Variants in CXCL12 observed in about 807,000 individuals in gnomAD.
CXCL12 encodes C-X-C motif chemokine ligand 12.
In CXCL12, 4 loss-of-function variants were observed where a neutral mutation model predicts 10.7. The observed-to-expected ratio is 0.37, with a 90% CI of 0.18 to 0.86. The LOEUF is 0.86. Ranked by LOEUF, CXCL12 falls within the 40% of genes least tolerant of loss-of-function variation. The pLI, the probability that CXCL12 is intolerant of heterozygous loss-of-function variation, is 0.43. For missense variants in CXCL12, 122 were observed against 110.4 expected, an observed-to-expected ratio of 1.10 and a Z score of -0.47; for synonymous variants, 54 against 45.4, an observed-to-expected ratio of 1.19 and a Z score of -0.77.
rs563573534 is a variant in CXCL12 at position 44,378,841 on chromosome 10, T to A, written c.180-118A>T. On this transcript the variant is annotated intron_variant, in intron 2 of 2. Coordinates refer to ENST00000343575, the MANE Select transcript of CXCL12 (RefSeq NM_199168.4). Reference sequence around the variant, plus strand: ...CCTCGCTGGCACCCCGTGCTCCACTTGGTACGCTCAGGCTCCAGAGGTGCT... The same window carrying A: ...CCTCGCTGGCACCCCGTGCTCCACTAGGTACGCTCAGGCTCCAGAGGTGCT... 2.0e-3 allele frequency: 2,070 copies of A among 1,019,802 alleles called. 2 individuals are homozygous for A. Among genetic ancestry groups the A allele is most frequent in the Non-Finnish European group, 2.9e-3 (1,901 of 657,974 alleles). 63.2% of individuals were successfully genotyped at this position (1,019,802 alleles called of 1,614,324 possible). A position where few individuals can be genotyped will look rare whatever the true frequency, so the allele number is the denominator to read the frequency against.
At chr10:44,378,891 C>T (rs772119294) in intron 2 of CXCL12, among the ~76,000 whole-genome samples, 168 bp from the exon 3 acceptor site, 2 of 152,172 alleles carry the variant, frequency 1.3e-5, no homozygotes, top group Admixed American at 6.5e-5. Context: ...GAAAGCTCAG[C>T]GCTGGCAGTG....
At position 44,377,830 on chromosome 10, in the gene CXCL12, G is replaced by A; in HGVS notation, c.*803C>T. On this transcript the variant is annotated 3_prime_UTR_variant, in exon 3 of 3. Transcript: ENST00000343575. ...CACAGAGGGCCCGAGCTGTGGGGCA[G>A]GCCCTGGGAGGAGAGGGATGCAGGG... The A allele has an allele frequency of 6.3e-7, 1 of 1,595,700 alleles. No homozygotes were observed. Among genetic ancestry groups the A allele is most frequent in the South Asian group, 1.1e-5 (1 of 90,372 alleles).
chr10:44,373,024 C>T, downstream of CXCL12: 1 of 1,536,058 alleles, frequency 6.5e-7, no homozygotes, highest in East Asian at 2.4e-5. Flanking sequence ...ATACAAAACC[C>T]AGGAGCCCTG....
chr10:44,376,478 G>A (rs1442843428), downstream of CXCL12, among the ~76,000 whole-genome samples: 1 of 152,182 alleles, frequency 6.6e-6, no homozygotes, highest in African/African-American at 2.4e-5. Flanking sequence ...ACGTTTTGGA[G>A]GCTGCAGGCC....
downstream of CXCL12, chr10:44,373,118 G>A (rs1390384185): frequency 2.0e-6 from 3 of 1,535,846 alleles, no homozygotes; most frequent in Non-Finnish European, 2.6e-6. Flanking sequence ...CGTGTCGCCA[G>A]TGACACTGAA....
At chr10:44,371,702 C>G (rs1402740836), downstream of CXCL12, 1 of 152,970 alleles carries the variant, frequency 6.5e-6, no homozygotes, top group African/African-American at 2.4e-5. Flanking sequence ...GATTACATCA[C>G]TATAATTTAC....
Position 44,378,324 on chromosome 10 carries a change from C to A in CXCL12, c.*309G>T, listed in dbSNP as rs77900300. 7.7e-4 allele frequency: 1,138 copies of A among 1,484,246 alleles called. 16 individuals carry two copies. In the East Asian group the frequency reaches 0.025, roughly 32 times the overall value. The allele number at this position is 1,484,246 out of a possible 1,614,324, so 91.9% of individuals were successfully genotyped here. A position where few individuals can be genotyped will look rare whatever the true frequency, so the allele number is the denominator to read the frequency against. ...GATGATTGTGATGATCATGAAGGAA[C>A]TAACTGCTTGAAAATGCTGTTGATA... On this transcript the variant is annotated 3_prime_UTR_variant, in exon 3 of 3. Coordinates refer to ENST00000343575, the MANE Select transcript of CXCL12 (RefSeq NM_199168.4).
chr10:44,379,083 A>T (rs1839550912), intron 2 of CXCL12, among the ~76,000 whole-genome samples: 1 of 152,150 alleles, frequency 6.6e-6, no homozygotes, highest in African/African-American at 2.4e-5. Flanking sequence ...AAGCATACAG[A>T]GGAAACTGAG....
downstream of CXCL12, chr10:44,372,736 C>G (rs531994954): frequency 1.4e-6 from 2 of 1,433,422 alleles, no homozygotes; most frequent in East Asian, 2.5e-5. Flanking sequence ...AGGGCTGGGT[C>G]TCACTCTGCC....
At chr10:44,370,210 A>C (rs1241065279) in exon 4 of CXCL12, 1 of 152,304 alleles carries the variant, frequency 6.6e-6, no homozygotes, top group Non-Finnish European at 1.5e-5. Flanking sequence ...AAGTGCATAT[A>C]CATTTTTTCA....
intron 2 of CXCL12, 75 bp from the exon 3 acceptor site, chr10:44,378,798 C>T: frequency 6.8e-7 from 1 of 1,471,094 alleles, no homozygotes. Context: ...ATCCGCTCCC[C>T]CAACACCCAT....
At chr10:44,372,735 T>A, downstream of CXCL12, 1 of 1,432,936 alleles carries the variant, frequency 7.0e-7, no homozygotes, top group Non-Finnish European at 9.1e-7. Flanking sequence ...GAGGGCTGGG[T>A]CTCACTCTGC....
chr10:44,376,121 CT>C, downstream of CXCL12: 1 of 1,403,184 alleles, frequency 7.1e-7, no homozygotes, highest in Non-Finnish European at 9.8e-7. Context: ...GGCCCGTGTA[CT>C]GGTTAAACTG....
chr10:44,374,800 G>C (rs527258872), downstream of CXCL12: 3 of 400,586 alleles, frequency 7.5e-6, no homozygotes, highest in Non-Finnish European at 1.5e-5. Context: ...TCCGGGTGCA[G>C]GGTGGGCGGG....
intron 1 of CXCL12, 26 bp downstream of exon 1, chr10:44,384,919 A>AG: frequency 1.4e-6 from 2 of 1,446,278 alleles, no homozygotes; most frequent in South Asian, 1.2e-5. Context: ...GAGCCTCGCC[A>AG]GGGCCTCCCC....
downstream of CXCL12, chr10:44,373,304 G>A (rs774941221): frequency 2.1e-5 from 33 of 1,604,780 alleles, no homozygotes; most frequent in Admixed American, 8.5e-5. Flanking sequence ...CCTACTGTAA[G>A]GGTTCCTCAG....
chr10:44,376,028 G>A (rs761642597), downstream of CXCL12: 3 of 1,612,254 alleles, frequency 1.9e-6, no homozygotes, highest in Non-Finnish European at 2.5e-6. Flanking sequence ...TCTTCTCTGC[G>A]CCCCCTTAGA....
chr10:44,373,459 GC>G (rs1839370316), downstream of CXCL12: 10 of 871,072 alleles, frequency 1.1e-5, no homozygotes, highest in South Asian at 7.1e-5. Flanking sequence ...CTTCCAAGTT[GC>G]CACCTTGGCC....
chr10:44,383,556 C>G (rs1839698241), intron 1 of CXCL12, among the ~76,000 whole-genome samples: 1 of 125,948 alleles, frequency 7.9e-6, no homozygotes, highest in Non-Finnish European at 1.5e-5. Flanking sequence ...AGAGACCTTA[C>G]AGGAACAGAA....
Sources: allele counts gnomAD v4.1 joint callset (sites outside exome capture counted in the v4.1 genomes callset), GRCh38; gene constraint gnomAD v4.1.1; transcripts MANE v1.5; gene names NCBI Gene and HGNC (gene_info 2026-07-23, HGNC 2026-07-21).